PPP2R2B: variants seen among roughly 807,000 people sequenced by gnomAD.
PPP2R2B encodes the protein protein phosphatase 2 regulatory subunit Bbeta.
PPP2R2B carries 5 observed loss-of-function variants against 46.0 expected under a neutral mutation model. The ratio of observed to expected loss-of-function variants is 0.11; its 90% CI spans 0.06 to 0.23. PPP2R2B has a LOEUF of 0.23. Ranked by LOEUF, PPP2R2B falls within the 10% of genes least tolerant of loss-of-function variation. The pLI is 1.00. For missense variants in PPP2R2B, 367 were observed against 575.0 expected, an observed-to-expected ratio of 0.64 and a Z score of 3.70; for synonymous variants, 215 against 206.7, an observed-to-expected ratio of 1.04 and a Z score of -0.34.
intron 2 of PPP2R2B, among the ~76,000 whole-genome samples, chr5:146,766,201 A>C (rs1013284002): frequency 2.6e-5 from 4 of 152,206 alleles, no homozygotes; most frequent in Non-Finnish European, 5.9e-5. Flanking sequence ...ACTGTACCAC[A>C]TACTTAGTAG....
rs1400364687 is a variant in PPP2R2B, at chr5:146,588,550, A to C, written c.*1397T>G. On this transcript the variant is annotated 3_prime_UTR_variant, in exon 10 of 10. Transcript: ENST00000394411. The stretch of plus-strand genomic sequence containing the variant: ...GATGTAGAGATATTAACCCAGAACC[A>C]GTTTTCTGGACTCCACCCATCTACT... 3 of 152,198 alleles carry C rather than the reference A, an allele frequency of 2.0e-5. No individual in the cohort carries two copies. The highest frequency in any genetic ancestry group is 4.4e-5 in the Non-Finnish European group (3 of 68,040). The allele number at this position is 152,198 out of a possible 1,614,324, so 9.4% of individuals were successfully genotyped here. A position where few individuals can be genotyped will look rare whatever the true frequency, so the allele number is the denominator to read the frequency against.
intron 5 of PPP2R2B, 132 bp downstream of exon 5, chr5:146,690,996 G>A: frequency 1.5e-6 from 1 of 668,986 alleles, no homozygotes; most frequent in African/African-American, 1.8e-5. Flanking sequence ...GAGAGACTGG[G>A]GTAGGCTGAG....
intron 2 of PPP2R2B, among the ~76,000 whole-genome samples, chr5:147,071,309 ATTGCAATAACC>A (rs1325199017): frequency 6.6e-6 from 1 of 152,150 alleles, no homozygotes; most frequent in Non-Finnish European, 1.5e-5. Context: ...AAACTGGATT[ATTGCAATAACC>A]TTTCAACCGA....
chr5:146,663,431 T>C (rs1171318376), intron 5 of PPP2R2B, among the ~76,000 whole-genome samples: 2 of 152,088 alleles, frequency 1.3e-5, no homozygotes, highest in African/African-American at 4.8e-5. Flanking sequence ...TCTTTTAACT[T>C]AGTAAACCTT....
rs869248861 is a variant in PPP2R2B, at chr5:146,861,047, A to ATTTT, written c.70+16951_70+16954dup. Reference sequence around the variant, plus strand: ...ACTCCTCTTCCAGCATTCAAACTGAATTTTTTCTTTTTTTTTTTTTTTTTT... The same window carrying ATTTT: ...ACTCCTCTTCCAGCATTCAAACTGAATTTTTTTTTTCTTTTTTTTTTTTTTTTTT... On this transcript the variant is annotated intron_variant, in intron 2 of 9. Transcript: ENST00000394411. 4.7e-4 allele frequency among the ~76,000 whole-genome samples: 62 copies of ATTTT among 132,188 alleles called. 1 individual carries two copies. The highest frequency in any genetic ancestry group is 2.1e-3 in the East Asian group (9 of 4,332). 86.7% of individuals were successfully genotyped at this position (132,188 alleles called of 152,430 possible).
At chr5:146,879,383 CAGACTAGT>C (rs1386760558), upstream of PPP2R2B, among the ~76,000 whole-genome samples, 1 of 152,118 alleles carries the variant, frequency 6.6e-6, no homozygotes, top group Non-Finnish European at 1.5e-5. Flanking sequence ...AGGAAAGCAC[CAGACTAGT>C]AAACAGGATC....
At chr5:146,619,881 T>C (rs531931122) in intron 7 of PPP2R2B, among the ~76,000 whole-genome samples, 9 of 152,186 alleles carry the variant, frequency 5.9e-5, no homozygotes, top group Non-Finnish European at 1.2e-4. Context: ...TCTTCCTTAC[T>C]GGTTAATTTG....
At chr5:147,024,333 A>C (rs1422118086) in intron 1 of PPP2R2B, among the ~76,000 whole-genome samples, 1 of 152,160 alleles carries the variant, frequency 6.6e-6, no homozygotes, top group East Asian at 1.9e-4. Context: ...TAAAAAACTA[A>C]CTGAAGCAAA....
At chr5:147,003,741 G>C (rs1470815764) in intron 1 of PPP2R2B, among the ~76,000 whole-genome samples, 4 of 152,104 alleles carry the variant, frequency 2.6e-5, no homozygotes, top group Non-Finnish European at 5.9e-5. Flanking sequence ...CTGTGTTCTA[G>C]AAGGACTAAG....
At chr5:146,833,164 A>C (rs185889376) in intron 2 of PPP2R2B, among the ~76,000 whole-genome samples, 6 of 152,272 alleles carry the variant, frequency 3.9e-5, no homozygotes, top group Admixed American at 3.9e-4. Context: ...ACATTAGCTC[A>C]TCACTTCAAA....
At chr5:146,749,040 A>AT (rs1420710142) in intron 2 of PPP2R2B, among the ~76,000 whole-genome samples, 1 of 152,256 alleles carries the variant, frequency 6.6e-6, no homozygotes, top group Non-Finnish European at 1.5e-5. Flanking sequence ...TATCAAAAAT[A>AT]TATGAATGAT....
intron 5 of PPP2R2B, chr5:146,656,486 T>A (rs954417668): frequency 2.0e-5 from 3 of 152,140 alleles, no homozygotes; most frequent in African/African-American, 7.2e-5. Flanking sequence ...TACGGGAGTT[T>A]TCACTTGTTC....
At chr5:146,831,491 C>A (rs1758930453) in intron 2 of PPP2R2B, among the ~76,000 whole-genome samples, 1 of 95,532 alleles carries the variant, frequency 1.0e-5, no homozygotes, top group Admixed American at 1.3e-4. Flanking sequence ...AATGAGACTC[C>A]ATCTCTCAAA....
chr5:146,802,944 G>A (rs1313584479), intron 2 of PPP2R2B, among the ~76,000 whole-genome samples: 1 of 152,116 alleles, frequency 6.6e-6, no homozygotes, highest in Non-Finnish European at 1.5e-5. Context: ...TTTTACTCCT[G>A]TCCTCACTAT....
At chr5:146,944,194 G>A (rs892663176) in intron 1 of PPP2R2B, among the ~76,000 whole-genome samples, 6 of 152,128 alleles carry the variant, frequency 3.9e-5, no homozygotes, top group Non-Finnish European at 7.4e-5. Flanking sequence ...ACGCTGAGAC[G>A]TCTAAATTGC....
intron 7 of PPP2R2B, among the ~76,000 whole-genome samples, chr5:146,604,499 G>C (rs973814792): frequency 1.3e-5 from 2 of 152,120 alleles, no homozygotes; most frequent in African/African-American, 2.4e-5. Context: ...GACAAGAAGA[G>C]CTTTGCTCCC....
intron 1 of PPP2R2B, among the ~76,000 whole-genome samples, chr5:147,053,545 A>ACACACAC (rs1756932104): frequency 6.7e-6 from 1 of 148,532 alleles, no homozygotes; most frequent in Non-Finnish European, 1.5e-5. Flanking sequence ...CAACAATATA[A>ACACACAC]ACACACACAC....
chr5:146,640,213 T>C (rs1775104919), intron 6 of PPP2R2B, among the ~76,000 whole-genome samples: 1 of 152,234 alleles, frequency 6.6e-6, no homozygotes, highest in African/African-American at 2.4e-5. Flanking sequence ...ATAAACCCTA[T>C]TGGGTTCTTT....
At chr5:146,737,956 CA>C (rs35357763) in intron 2 of PPP2R2B, among the ~76,000 whole-genome samples, 12,154 of 149,160 alleles carry the variant, frequency 0.081, 1,115 homozygotes, top group African/African-American at 0.23. Flanking sequence ...CAAAACAAAA[CA>C]AAAAAAACGT....
Sources: allele counts gnomAD v4.1 joint callset (sites outside exome capture counted in the v4.1 genomes callset), GRCh38; gene constraint gnomAD v4.1.1; transcripts MANE v1.5; gene names NCBI Gene and HGNC (gene_info 2026-07-23, HGNC 2026-07-21).